Variants in SPIDR observed in about 807,000 individuals in gnomAD.
SPIDR encodes DNA repair-scaffolding protein.
Under a neutral mutation model 104.6 loss-of-function variants are expected in SPIDR, and 93 were observed. That is an observed-to-expected ratio of 0.89 (90% confidence interval 0.75 to 1.06). The LOEUF (loss-of-function observed/expected upper bound fraction) is 1.06. Among genes scored for constraint, SPIDR ranks in the 50% least tolerant of loss-of-function variants. SPIDR has a pLI of 0.00. For synonymous variants in SPIDR, 431 were observed against 416.9 expected, an observed-to-expected ratio of 1.03 and a Z score of -0.41; for missense variants, 1,154 against 1,111.2, an observed-to-expected ratio of 1.04 and a Z score of -0.55.
intron 10 of SPIDR, among the ~76,000 whole-genome samples, chr8:47,632,502 T>C (rs2067215896): frequency 6.6e-6 from 1 of 152,226 alleles, no homozygotes; most frequent in Non-Finnish European, 1.5e-5. Flanking sequence ...TTACTTCTAC[T>C]CCCAGTATAA....
chr8:47,379,321 TG>T (rs2059048367), intron 5 of SPIDR, among the ~76,000 whole-genome samples: 1 of 152,174 alleles, frequency 6.6e-6, no homozygotes, highest in Non-Finnish European at 1.5e-5. Context: ...AGTGGGCGGA[TG>T]GCTTGAGTCC....
At chr8:47,339,559 A>C (rs1554612296) in intron 5 of SPIDR, among the ~76,000 whole-genome samples, 1 of 152,218 alleles carries the variant, frequency 6.6e-6, no homozygotes, top group African/African-American at 2.4e-5. Flanking sequence ...AAAACCCACA[A>C]GATAAGGATA....
chr8:47,510,519 G>C (rs1157743804), intron 8 of SPIDR, among the ~76,000 whole-genome samples: 1 of 151,428 alleles, frequency 6.6e-6, no homozygotes, highest in Non-Finnish European at 1.5e-5. Context: ...TTATTTTACA[G>C]TTTTAGAGTT....
chr8:47,343,495 T>C lies in SPIDR; in HGVS notation c.525+49465T>C, dbSNP rs528540189. On this transcript the variant is annotated intron_variant, in intron 5 of 19. Coordinates refer to ENST00000297423, the MANE Select transcript of SPIDR (RefSeq NM_001080394.4). ...ACAGAACTTACGGGAAGCTGCTTTA[T>C]TACTTACAGACAGGTAGTGAGGGCC... 1.1e-4 allele frequency among the ~76,000 whole-genome samples: 17 copies of C among 152,320 alleles called. No individual in the cohort carries two copies. The South Asian group carries it at 3.5e-3, about 32-fold the overall frequency.
chr8:47,326,953 A>T (rs532833042), intron 5 of SPIDR, among the ~76,000 whole-genome samples: 3 of 152,284 alleles, frequency 2.0e-5, no homozygotes, highest in South Asian at 4.1e-4. Flanking sequence ...TCTCTTGGAT[A>T]TATATGAAGG....
intron 5 of SPIDR, chr8:47,360,977 T>G: frequency 1.0e-6 from 1 of 984,916 alleles, no homozygotes; most frequent in Non-Finnish European, 1.2e-6. Flanking sequence ...ATTTCACACT[T>G]TTAAAAAATG....
Position 47,303,291 on chromosome 8 carries a change from G to GAA in SPIDR, c.525+9264_525+9265dup, listed in dbSNP as rs1287219425. On this transcript the variant is annotated intron_variant, in intron 5 of 19. Transcript: ENST00000297423. ...GGTGTGCCATTTGCTAAGACCGTTAGAAAAGCGCAGTATTAGGGTTGGAGT... is the reference window on the plus strand; with the variant it reads ...GGTGTGCCATTTGCTAAGACCGTTAGAAAAAAGCGCAGTATTAGGGTTGGAGT... Among the ~76,000 whole-genome samples the GAA allele has an allele frequency of 1.7e-3, 253 of 152,324 alleles. 9 individuals are homozygous for GAA. The East Asian group carries it at 0.046, about 27-fold the overall frequency.
Position 47,357,953 on chromosome 8 carries a change from G to A in SPIDR, c.526-38423G>A, listed in dbSNP as rs1290006140. 4 of 727,266 alleles carry A rather than the reference G, an allele frequency of 5.5e-6. No homozygotes were observed. In the African/African-American group the frequency reaches 5.8e-5, roughly 10 times the overall value. 45.1% of individuals were successfully genotyped at this position (727,266 alleles called of 1,614,324 possible). On this transcript the variant is annotated intron_variant, in intron 5 of 19. Coordinates refer to ENST00000297423, the MANE Select transcript of SPIDR (RefSeq NM_001080394.4). ...GGCTTGCATGTAGTCACGAATATAT[G>A]TGTGGTTTACATTCACTCTGGCAGT...
chr8:47,733,854 A>C (rs1196690576), intron 19 of SPIDR, among the ~76,000 whole-genome samples: 1 of 151,914 alleles, frequency 6.6e-6, no homozygotes, highest in Admixed American at 6.6e-5. Flanking sequence ...GACCAGTGAC[A>C]CCCACTTCCC....
At chr8:47,317,586 C>T (rs1183894591) in intron 5 of SPIDR, among the ~76,000 whole-genome samples, 6 of 151,752 alleles carry the variant, frequency 4.0e-5, no homozygotes, top group East Asian at 1.9e-4. Context: ...TCTGCAGCTT[C>T]GAAGAGAGTA....
chr8:47,328,910 T>A (rs1274177959), intron 5 of SPIDR, among the ~76,000 whole-genome samples: 7 of 152,096 alleles, frequency 4.6e-5, no homozygotes, highest in African/African-American at 1.7e-4. Flanking sequence ...TTTCACAATT[T>A]TTTTTTTCTT....
At chr8:47,699,176 A>G (rs558143284) in intron 11 of SPIDR, among the ~76,000 whole-genome samples, 1 of 152,350 alleles carries the variant, frequency 6.6e-6, no homozygotes, top group South Asian at 2.1e-4. Context: ...TAGCAATGAC[A>G]ATACTGATAA....
chr8:47,278,046 A>G (rs927084946), intron 1 of SPIDR, among the ~76,000 whole-genome samples: 59 of 151,624 alleles, frequency 3.9e-4, no homozygotes, highest in Admixed American at 1.1e-3. Context: ...AGCCATGCAC[A>G]AAAGTTATAA....
intron 10 of SPIDR, among the ~76,000 whole-genome samples, chr8:47,614,468 C>T (rs558973447): frequency 6.6e-6 from 1 of 152,268 alleles, no homozygotes; most frequent in South Asian, 2.1e-4. Flanking sequence ...ATGATCCGCC[C>T]ACCTCGGCCT....
At chr8:47,500,796 A>G (rs2080279358) in intron 8 of SPIDR, among the ~76,000 whole-genome samples, 1 of 152,180 alleles carries the variant, frequency 6.6e-6, no homozygotes, top group Non-Finnish European at 1.5e-5. Flanking sequence ...TAAGTCTTTA[A>G]TCCATCTTGA....
intron 8 of SPIDR, among the ~76,000 whole-genome samples, chr8:47,474,383 C>T (rs1554722642): frequency 6.6e-6 from 1 of 152,142 alleles, no homozygotes; most frequent in Non-Finnish European, 1.5e-5. Flanking sequence ...CTGTCTTTAG[C>T]TGTTTGAGAG....
intron 10 of SPIDR, among the ~76,000 whole-genome samples, chr8:47,603,302 G>A (rs192473814): frequency 2.0e-4 from 30 of 152,236 alleles, no homozygotes; most frequent in Non-Finnish European, 3.4e-4. Flanking sequence ...CCAAGCCCAT[G>A]GTGATTGCCA....
chr8:47,349,107 G>T (rs1554620486), intron 5 of SPIDR, among the ~76,000 whole-genome samples: 1 of 152,192 alleles, frequency 6.6e-6, no homozygotes, highest in East Asian at 1.9e-4. Flanking sequence ...TTTGGTCTTT[G>T]ATGATGGTGA....
At chr8:47,667,109 C>T (rs1195987055) in intron 10 of SPIDR, among the ~76,000 whole-genome samples, 6 of 151,894 alleles carry the variant, frequency 4.0e-5, no homozygotes, top group Middle Eastern at 3.4e-3. Flanking sequence ...GGTGAAACCC[C>T]GTCTCTATTA....
Sources: gnomAD v4.1 joint callset for allele counts (sites outside exome capture counted in the v4.1 genomes callset) on GRCh38, gnomAD v4.1.1 for gene constraint, MANE v1.5 for transcripts, NCBI Gene and HGNC (gene_info 2026-07-23, HGNC 2026-07-21) for gene names.